FAM120C: variants seen among roughly 807,000 people sequenced by gnomAD.
FAM120C encodes the protein family with sequence similarity 120 member C.
Under a neutral mutation model 71.2 loss-of-function variants are expected in FAM120C, and 14 were observed. The ratio of observed to expected loss-of-function variants is 0.20; its 90% confidence interval spans 0.13 to 0.31. The LOEUF (loss-of-function observed/expected upper bound fraction) is 0.31. Among genes scored for constraint, FAM120C ranks in the 10% least tolerant of loss-of-function variants. FAM120C has a pLI of 1.00. For synonymous variants in FAM120C, 354 were observed against 353.2 expected (o/e 1.00, Z -0.03); for missense variants, 500 against 879.0 (o/e 0.57, Z 5.45).
chrX:54,153,678 C>T (rs781792469), intron 3 of FAM120C, among the ~76,000 whole-genome samples: 5 of 109,614 alleles, frequency 4.6e-5, no homozygotes, highest in Non-Finnish European at 7.6e-5. Flanking sequence ...AGAGATTCTC[C>T]TGCCTCAGCC....
intron 4 of FAM120C, among the ~76,000 whole-genome samples, chrX:54,146,421 C>T (rs1389284184): frequency 8.9e-6 from 1 of 112,004 alleles, no homozygotes; most frequent in Non-Finnish European, 1.9e-5. Context: ...TGGCTCATGC[C>T]TGTAATCCCA....
chrX:54,072,421 A>T lies in FAM120C; in HGVS notation c.*612T>A, dbSNP rs934318257. 1.8e-5 allele frequency: 2 copies of T among 110,752 alleles called. No individual in the cohort carries two copies. The highest frequency in any genetic ancestry group is 3.3e-5 in the African/African-American group (1 of 30,365). The allele number at this position is 110,752 out of a possible 1,213,427, so 9.1% of individuals were successfully genotyped here. On this transcript the variant is annotated 3_prime_UTR_variant, in exon 16 of 16. Transcript: ENST00000375180. ...TTTTGAAGTGTATAAAATAAAAAAT[A>T]AAAATTAAAATAACCAATACTACCT... is the stretch of plus-strand genomic sequence containing the variant.
In FAM120C at chrX:54,071,543, C is replaced by T. The variant is rs2066708802; in HGVS notation, c.*1490G>A. The T allele has an allele frequency of 8.9e-6, 1 of 112,818 alleles. No homozygotes were observed. The highest frequency in any genetic ancestry group is 2.8e-4 in the East Asian group (1 of 3,579). The allele number at this position is 112,818 out of a possible 1,213,427, so 9.3% of individuals were successfully genotyped here. A position where few individuals can be genotyped will look rare whatever the true frequency, so the allele number is the denominator to read the frequency against. On this transcript the variant is annotated 3_prime_UTR_variant, in exon 16 of 16. Transcript: ENST00000375180. Reference sequence around the variant, plus strand: ...CAATTCTAGCCTGAAACCAATTTGACCCTGGAGTTCCAGAAGAGATTTCCT... The same window carrying T: ...CAATTCTAGCCTGAAACCAATTTGATCCTGGAGTTCCAGAAGAGATTTCCT...
chrX:54,114,197 TAAGTGG>T (rs2066954667), intron 10 of FAM120C, among the ~76,000 whole-genome samples: 1 of 110,693 alleles, frequency 9.0e-6, no homozygotes. Flanking sequence ...CTCTCACTTA[TAAGTGG>T]GAGGTAAATA....
At chrX:54,163,676 G>A (rs1557134699) in intron 1 of FAM120C, among the ~76,000 whole-genome samples, 2 of 110,747 alleles carry the variant, frequency 1.8e-5, no homozygotes, top group Non-Finnish European at 3.8e-5. Context: ...GTTATACCTC[G>A]ATTTTTAAAA....
chrX:54,161,250 G>A (rs1473107258), intron 1 of FAM120C, among the ~76,000 whole-genome samples: 4 of 111,786 alleles, frequency 3.6e-5, no homozygotes, highest in Admixed American at 9.5e-5. Flanking sequence ...GTTACTAAGT[G>A]TGATATTTTC....
chrX:54,164,221 C>T (rs782450526), intron 1 of FAM120C, among the ~76,000 whole-genome samples: 44 of 111,831 alleles, frequency 3.9e-4, no homozygotes, highest in African/African-American at 1.2e-3. Flanking sequence ...CGTGAGCCAC[C>T]GTGCCTGGCC....
intron 3 of FAM120C, among the ~76,000 whole-genome samples, chrX:54,154,584 G>C (rs959269901): frequency 3.0e-4 from 28 of 92,166 alleles, no homozygotes; most frequent in Non-Finnish European, 6.4e-5. Flanking sequence ...TCTAGCATGG[G>C]CAACACAGCG....
chrX:54,106,598 A>C (rs1361372770), intron 10 of FAM120C, among the ~76,000 whole-genome samples: 1 of 112,270 alleles, frequency 8.9e-6, no homozygotes, highest in East Asian at 2.8e-4. Flanking sequence ...CAGCAAAAGA[A>C]ACTATCATCA....
chrX:54,087,634 T>G, intron 12 of FAM120C, 121 bp downstream of exon 12: 12 of 644,268 alleles, frequency 1.9e-5, no homozygotes, highest in Non-Finnish European at 2.4e-5. Context: ...CAGGTTAAAG[T>G]GAGACACATT....
chrX:54,150,771 C>T (rs2067180739), intron 4 of FAM120C, among the ~76,000 whole-genome samples: 1 of 110,632 alleles, frequency 9.0e-6, no homozygotes, highest in African/African-American at 3.3e-5. Flanking sequence ...TTTTTTAAGA[C>T]GAAGTTTCAC....
intron 3 of FAM120C, 24 bp from the exon 4 acceptor site, chrX:54,151,397 G>A (rs782673988): frequency 1.7e-6 from 2 of 1,195,554 alleles, no homozygotes; most frequent in Non-Finnish European, 2.3e-6. Flanking sequence ...ATAAGCAAGG[G>A]ACACTGACAT....
chrX:54,174,590 TA>T (rs1175346519), intron 1 of FAM120C, among the ~76,000 whole-genome samples: 2 of 112,346 alleles, frequency 1.8e-5, no homozygotes, highest in East Asian at 2.8e-4. Flanking sequence ...TCGAACTTGT[TA>T]AAAAAGAAGT....
chrX:54,142,991 C>A (rs1038564097), intron 4 of FAM120C, among the ~76,000 whole-genome samples: 36 of 111,758 alleles, frequency 3.2e-4, no homozygotes, highest in Non-Finnish European at 5.5e-4. Flanking sequence ...CTGGAGTGGA[C>A]CTCCAGCAAA....
chrX:54,132,862 C>G lies in FAM120C; in HGVS notation c.1892G>C (p.Gly631Ala). Reference sequence around the variant, plus strand: ...AATACATACGGGGATCTTAATTTCACCCTAACAAGAGAACATTCCAGGGAA... The same window carrying G: ...AATACATACGGGGATCTTAATTTCAGCCTAACAAGAGAACATTCCAGGGAA... The part of the protein sequence containing the change: ...YPYIYHVLTK[G>A]EIKIPVCIED... The change falls in exon 9 of 16, where the codon GGT becomes GCT. Residue 631 changes from glycine to alanine, a missense_variant and splice_region_variant. Transcript: ENST00000375180. The G allele has an allele frequency of 8.4e-7, 1 of 1,184,433 alleles. No homozygotes were observed. Among genetic ancestry groups the G allele is most frequent in the Non-Finnish European group, 1.1e-6 (1 of 883,831 alleles).
At chrX:54,108,721 AG>A (rs1557125226) in intron 10 of FAM120C, among the ~76,000 whole-genome samples, 1 of 110,653 alleles carries the variant, frequency 9.0e-6, no homozygotes, top group Non-Finnish European at 1.9e-5. Flanking sequence ...ACTTGAGGTC[AG>A]GAGTTCAAGA....
intron 7 of FAM120C, 149 bp from the exon 8 acceptor site, chrX:54,134,195 C>T: frequency 5.6e-6 from 3 of 537,099 alleles, no homozygotes; most frequent in Non-Finnish European, 8.8e-6. Context: ...CCTTTCCTCT[C>T]AATGGCCATT....
At chrX:54,125,777 G>T (rs1049004243) in intron 9 of FAM120C, among the ~76,000 whole-genome samples, 2 of 112,644 alleles carry the variant, frequency 1.8e-5, no homozygotes, top group East Asian at 5.6e-4. Flanking sequence ...GCTGGGATTT[G>T]GATAGGAATT....
intron 4 of FAM120C, among the ~76,000 whole-genome samples, chrX:54,145,684 T>C (rs1413695691): frequency 3.6e-5 from 4 of 111,635 alleles, no homozygotes; most frequent in Non-Finnish European, 5.6e-5. Context: ...TGTGGAGAAA[T>C]AGGAACACTT....
Sources: gnomAD v4.1 joint callset for allele counts (sites outside exome capture counted in the v4.1 genomes callset) on GRCh38, gnomAD v4.1.1 for gene constraint, MANE v1.5 for transcripts, NCBI Gene and HGNC (gene_info 2026-07-23, HGNC 2026-07-21) for gene names.